Variants in MBTPS2 observed in about 807,000 individuals in gnomAD.
MBTPS2 encodes the protein membrane bound transcription factor peptidase, site 2, also known as membrane-bound transcription factor site-2 protease.
Under a neutral mutation model 35.4 loss-of-function variants are expected in MBTPS2, and 2 were observed. The observed-to-expected ratio is 0.06, with a 90% CI of 0.02 to 0.18. The LOEUF (loss-of-function observed/expected upper bound fraction) is 0.18. Ranked by LOEUF, MBTPS2 falls within the 10% of genes least tolerant of loss-of-function variation. MBTPS2 has a pLI of 1.00. For synonymous variants in MBTPS2, 125 were observed against 140.4 expected, an observed-to-expected ratio of 0.89 and a Z score of 0.77; for missense variants, 244 against 386.5, an observed-to-expected ratio of 0.63 and a Z score of 3.09.
chrX:21,880,562 C>T (rs1308113857), intron 9 of MBTPS2, among the ~76,000 whole-genome samples: 1 of 110,728 alleles, frequency 9.0e-6, no homozygotes, highest in East Asian at 2.8e-4. Context: ...AAAAAAAAGA[C>T]CTGAAAGAGG....
At chrX:21,871,490 A>G (rs1439731532) in intron 7 of MBTPS2, 4 of 111,754 alleles carry the variant, frequency 3.6e-5, no homozygotes, top group Non-Finnish European at 7.5e-5. Context: ...CATCCCAGGC[A>G]TCCTATCATT....
At chrX:21,869,710 T>G (rs1164037780) in intron 7 of MBTPS2, 32 bp downstream of exon 7, 5 of 1,056,578 alleles carry the variant, frequency 4.7e-6, no homozygotes, top group Non-Finnish European at 6.6e-6. Flanking sequence ...AATATAATGC[T>G]TCAAGCACCA....
chrX:21,878,739 A>G (rs1168940658), intron 9 of MBTPS2, 47 bp downstream of exon 9: 1 of 870,903 alleles, frequency 1.1e-6, no homozygotes, highest in Admixed American at 2.2e-5. Context: ...AAGATCACAT[A>G]TAGTCTCAGT....
At chrX:21,877,568 G>A (rs1466679200) in intron 7 of MBTPS2, among the ~76,000 whole-genome samples, 2 of 111,815 alleles carry the variant, frequency 1.8e-5, no homozygotes, top group East Asian at 2.8e-4. Context: ...GTTCTCTAGG[G>A]GGAGCCCCAA....
intron 4 of MBTPS2, among the ~76,000 whole-genome samples, chrX:21,853,112 T>C (rs1026447482): frequency 1.8e-5 from 2 of 111,349 alleles, no homozygotes; most frequent in African/African-American, 3.3e-5. Context: ...GCTCAACATA[T>C]TGGTTTCTAA....
At chrX:21,850,925 G>C (rs1290626626) in intron 3 of MBTPS2, among the ~76,000 whole-genome samples, 1 of 111,569 alleles carries the variant, frequency 9.0e-6, no homozygotes, top group Non-Finnish European at 1.9e-5. Context: ...TGGAATAGAA[G>C]GGTATGGTGC....
chrX:21,843,493 T>G (rs943412244), intron 2 of MBTPS2, among the ~76,000 whole-genome samples, 175 bp downstream of exon 2: 24 of 112,141 alleles, frequency 2.1e-4, no homozygotes, highest in Admixed American at 3.8e-4. Context: ...GTGGCTTGCA[T>G]ACATTAAAAA....
Position 21,883,327 on chromosome X carries a change from A to G in MBTPS2, c.*672A>G. The G allele has an allele frequency of 1.3e-6, 1 of 755,809 alleles. No homozygotes were observed. The highest frequency in any genetic ancestry group is 2.3e-5 in the African/African-American group (1 of 43,799). The allele number at this position is 755,809 out of a possible 1,213,427, so 62.3% of individuals were successfully genotyped here. ...CCCCACAAGAGTTGCATCTTTTATA[A>G]GGTGTCTCTGCCCCCTCATAAAGCA... is the stretch of plus-strand genomic sequence containing the variant. On this transcript the variant is annotated 3_prime_UTR_variant, in exon 11 of 11. Transcript: ENST00000379484.
At chrX:21,879,949 C>CTTCTTTTTTTTTTTTT (rs2092957272) in intron 9 of MBTPS2, among the ~76,000 whole-genome samples, 1 of 47,425 alleles carries the variant, frequency 2.1e-5, no homozygotes, top group Non-Finnish European at 3.3e-5. Flanking sequence ...TTATGTTATT[C>CTTCTTTTTTTTTTTTT]TTTTTTTTTT....
chrX:21,869,363 G>T, intron 6 of MBTPS2, 135 bp from the exon 7 acceptor site: 1 of 542,869 alleles, frequency 1.8e-6, no homozygotes, highest in Non-Finnish European at 3.3e-6. Context: ...CTAGGACTAT[G>T]TCTTGAATTC....
rs973851962 is a variant in MBTPS2 at position 21,856,384 on chromosome X, C to T, written c.670+2881C>T. 2.5e-5 allele frequency: 25 copies of T among 985,875 alleles called. No homozygotes were observed. In the East Asian group the frequency reaches 7.7e-4, roughly 30 times the overall value. The allele number at this position is 985,875 out of a possible 1,213,427, so 81.2% of individuals were successfully genotyped here. A position where few individuals can be genotyped will look rare whatever the true frequency, so the allele number is the denominator to read the frequency against. ...GCCTTTCTCTGCAGCTCGCCCCTTC[C>T]TCTGCAGCTCGCCCCTTCCTCTGCA... On this transcript the variant is annotated intron_variant, in intron 5 of 10. Transcript: ENST00000379484.
Position 21,839,730 on chromosome X carries a change from C to T in MBTPS2, c.-5C>T. The T allele has an allele frequency of 8.5e-7, 1 of 1,182,158 alleles. No individual in the cohort carries two copies. On this transcript the variant is annotated 5_prime_UTR_variant, in exon 1 of 11. Transcript: ENST00000379484. Reference sequence around the variant, plus strand: ...CGCCTTCCCTCCTCTGCCGCCGCTGCCGCCATGATTCCGGTGTCGCTGGTG... The same window carrying T: ...CGCCTTCCCTCCTCTGCCGCCGCTGTCGCCATGATTCCGGTGTCGCTGGTG...
chrX:21,857,793 A>T, intron 5 of MBTPS2: 2 of 472,954 alleles, frequency 4.2e-6, no homozygotes, highest in South Asian at 5.4e-5. Flanking sequence ...GTAAACCTTG[A>T]CATAAGATAA....
intron 10 of MBTPS2, 103 bp from the exon 11 acceptor site, chrX:21,882,330 G>A (rs1394357811): frequency 1.6e-6 from 1 of 615,724 alleles, no homozygotes; most frequent in Non-Finnish European, 2.8e-6. Context: ...GAGAAGTCAA[G>A]TGTAATCTCT....
intron 8 of MBTPS2, 92 bp downstream of exon 8, chrX:21,878,228 CT>C: frequency 1.6e-6 from 1 of 607,834 alleles, no homozygotes; most frequent in East Asian, 3.5e-5. Context: ...AAACTTCTCT[CT>C]TTTGCTCTAT....
At position 21,848,241 on chromosome X, in the gene MBTPS2, G is replaced by A. The variant is rs1170175054; in HGVS notation, c.438+2857G>A. On this transcript the variant is annotated intron_variant, in intron 3 of 10. Coordinates refer to ENST00000379484, the MANE Select transcript of MBTPS2 (RefSeq NM_015884.4). ...TCGAGACCAGCCTGGGCAACATGGT[G>A]AAACCCCGTCCCTACTAAAAATACA... Among the ~76,000 whole-genome samples, 5 of 111,236 alleles carry A rather than the reference G, an allele frequency of 4.5e-5. No individual in the cohort carries two copies. In the East Asian group the frequency reaches 1.4e-3, roughly 32 times the overall value.
chrX:21,867,632 CTTT>C (rs11290067), intron 5 of MBTPS2, among the ~76,000 whole-genome samples: 4 of 84,311 alleles, frequency 4.7e-5, no homozygotes, highest in Admixed American at 1.4e-4. Flanking sequence ...ACGGTTTTCT[CTTT>C]TTTTTTTTTT....
At position 21,878,500 on chromosome X, in the gene MBTPS2, A is replaced by T. The variant is rs755285561; in HGVS notation, c.1069A>T (p.Thr357Ser). The part of the protein sequence containing the change: ...YRNNFNKRLH[T>S]CLPARKAVEA... ...CTGATTAATATTTTATTTATAGCAT[A>T]CATGTCTTCCTGCCCGGAAAGCAGT... The change falls in exon 9 of 11, where the codon ACA becomes TCA. Residue 357 changes from threonine to serine, a missense_variant. Thr to Ser is a moderately conservative substitution (Grantham distance 58). Coordinates refer to ENST00000379484, the MANE Select transcript of MBTPS2 (RefSeq NM_015884.4). The T allele has an allele frequency of 8.4e-7, 1 of 1,193,821 alleles. No homozygotes were observed. The highest frequency in any genetic ancestry group is 2.2e-5 in the Admixed American group (1 of 46,000).
At chrX:21,878,815 C>G in intron 9 of MBTPS2, 123 bp downstream of exon 9, 1 of 527,172 alleles carries the variant, frequency 1.9e-6, no homozygotes, top group Non-Finnish European at 3.3e-6. Flanking sequence ...TTATCAAAGT[C>G]TTGTTAACTT....
Sources: gnomAD v4.1 joint callset for allele counts (sites outside exome capture counted in the v4.1 genomes callset) on GRCh38, gnomAD v4.1.1 for gene constraint, MANE v1.5 for transcripts, NCBI Gene and HGNC (gene_info 2026-07-23, HGNC 2026-07-21) for gene names.